The following SLC6A11 variants were observed in gnomAD, a reference collection of about 807,000 sequenced individuals.
SLC6A11 encodes solute carrier family 6 member 11.
SLC6A11 carries 25 observed loss-of-function variants against 74.8 expected under a neutral mutation model. That is an observed-to-expected ratio of 0.33 (90% confidence interval 0.24 to 0.47). The LOEUF (loss-of-function observed/expected upper bound fraction) is 0.47. Among genes scored for constraint, SLC6A11 ranks in the 20% least tolerant of loss-of-function variants. The pLI is 1.00. For missense variants in SLC6A11, 574 were observed against 837.0 expected (o/e 0.69, Z 3.88); for synonymous variants, 330 against 330.2 (o/e 1.00, Z 0.01).
intron 13 of SLC6A11, among the ~76,000 whole-genome samples, chr3:10,936,195 G>A (rs1231186316): frequency 2.6e-5 from 4 of 152,210 alleles, no homozygotes; most frequent in Non-Finnish European, 5.9e-5. Flanking sequence ...CATTTAATCC[G>A]CATAGCAATC....
Position 10,916,117 on chromosome 3 carries a change from A to C in SLC6A11, c.996-2212A>C, listed in dbSNP as rs141081985. 2.4e-3 allele frequency among the ~76,000 whole-genome samples: 368 copies of C among 152,344 alleles called. 3 individuals are homozygous for C. The highest frequency in any genetic ancestry group is 3.3e-3 in the Non-Finnish European group (223 of 68,026). On this transcript the variant is annotated intron_variant, in intron 7 of 13. Coordinates refer to ENST00000254488, the MANE Select transcript of SLC6A11 (RefSeq NM_014229.3). ...ATCATCCAATGTCCACTATTTGATA[A>C]GTCAGGGCCATTTTGCCTCAGACTT... is the stretch of plus-strand genomic sequence containing the variant.
intron 6 of SLC6A11, among the ~76,000 whole-genome samples, chr3:10,896,536 G>T (rs1440795067): frequency 6.6e-6 from 1 of 152,232 alleles, no homozygotes; most frequent in Non-Finnish European, 1.5e-5. Flanking sequence ...GTCTGATTTT[G>T]TGAGATTTTA....
At chr3:10,835,374 A>G (rs1694353328) in intron 4 of SLC6A11, among the ~76,000 whole-genome samples, 1 of 152,176 alleles carries the variant, frequency 6.6e-6, no homozygotes, top group Non-Finnish European at 1.5e-5. Flanking sequence ...GCGAGAGAGA[A>G]TGGCTGCGTT....
chr3:10,917,438 C>T (rs1695472647), intron 7 of SLC6A11, among the ~76,000 whole-genome samples: 1 of 152,274 alleles, frequency 6.6e-6, no homozygotes, highest in South Asian at 2.1e-4. Context: ...AACAAGGTCA[C>T]CTGGCAGCTC....
chr3:10,840,156 TCACA>T (rs1694419378), intron 4 of SLC6A11, among the ~76,000 whole-genome samples: 2 of 152,146 alleles, frequency 1.3e-5, no homozygotes, highest in Non-Finnish European at 2.9e-5. Context: ...TCAGCAAGGC[TCACA>T]GTCTAGCCCC....
At chr3:10,825,599 CTTATT>C (rs1694198452) in intron 4 of SLC6A11, 1 of 151,970 alleles carries the variant, frequency 6.6e-6, no homozygotes, top group African/African-American at 2.4e-5. Flanking sequence ...CAGTTGGTGT[CTTATT>C]TAAGATATAT....
chr3:10,892,156 G>T (rs1051107416), intron 6 of SLC6A11, among the ~76,000 whole-genome samples: 1 of 152,246 alleles, frequency 6.6e-6, no homozygotes, highest in South Asian at 2.1e-4. Flanking sequence ...AGTTGGCTGG[G>T]ATTGTGACAC....
rs76110818 is a variant in SLC6A11, at chr3:10,908,804, T to G, written c.892-3286T>G. ...ATGCTGGTCCATCAGTAATTTGGGATTGATTAAAGGATTTGGGCTCATACC... is the reference window on the plus strand; with the variant it reads ...ATGCTGGTCCATCAGTAATTTGGGAGTGATTAAAGGATTTGGGCTCATACC... On this transcript the variant is annotated intron_variant, in intron 6 of 13. Coordinates refer to ENST00000254488, the MANE Select transcript of SLC6A11 (RefSeq NM_014229.3). 6.8e-3 allele frequency among the ~76,000 whole-genome samples: 1,028 copies of G among 151,978 alleles called. 10 individuals are homozygous for G. The highest frequency in any genetic ancestry group is 0.023 in the African/African-American group (948 of 41,384).
chr3:10,849,630 C>T (rs1694547060), intron 5 of SLC6A11, among the ~76,000 whole-genome samples: 1 of 152,168 alleles, frequency 6.6e-6, no homozygotes, highest in Non-Finnish European at 1.5e-5. Flanking sequence ...TTTGTACAAA[C>T]ATTGCAGACA....
intron 5 of SLC6A11, among the ~76,000 whole-genome samples, chr3:10,854,543 G>A (rs954313114): frequency 2.4e-4 from 37 of 152,226 alleles, no homozygotes; most frequent in African/African-American, 7.7e-4. Flanking sequence ...CAGGCGTTGT[G>A]CTAAGCACCA....
chr3:10,929,570 G>C (rs1453687384), intron 10 of SLC6A11, among the ~76,000 whole-genome samples: 2 of 152,200 alleles, frequency 1.3e-5, no homozygotes, highest in East Asian at 3.8e-4. Flanking sequence ...GTTATTCACA[G>C]AGGGGAGTCA....
Position 10,823,333 on chromosome 3 carries a change from G to C in SLC6A11, c.564G>C (p.Val188=), listed in dbSNP as rs772641402. The C allele has an allele frequency of 3.3e-5, 54 of 1,613,618 alleles. No homozygotes were observed. In the South Asian group the frequency reaches 5.8e-4, roughly 17 times the overall value. Residue 188 remains valine, a synonymous_variant, in exon 4 of 14, where the codon GTG becomes GTC. Coordinates refer to ENST00000254488, the MANE Select transcript of SLC6A11 (RefSeq NM_014229.3). ...ENCVEFQKLN[V]SNYSHVSLQN... ...GTGTGGAGTTCCAGAAACTGAATGT[G>C]AGCAACTACAGCCATGTGTCTCTGC... is the stretch of plus-strand genomic sequence containing the variant.
At chr3:10,873,691 T>A (rs1278379688) in intron 5 of SLC6A11, among the ~76,000 whole-genome samples, 2 of 100,020 alleles carry the variant, frequency 2.0e-5, no homozygotes, top group African/African-American at 1.1e-4. Context: ...TCCCGTCCCA[T>A]CCTATCCTAT....
intron 9 of SLC6A11, among the ~76,000 whole-genome samples, chr3:10,927,394 A>G (rs191343020): frequency 1.0e-3 from 153 of 152,208 alleles, no homozygotes; most frequent in African/African-American, 3.5e-3. Context: ...GCCTATCCCC[A>G]TGCGTGCTGC....
chr3:10,837,045 G>A (rs558598524), intron 4 of SLC6A11, among the ~76,000 whole-genome samples: 1 of 152,346 alleles, frequency 6.6e-6, no homozygotes, highest in South Asian at 2.1e-4. Flanking sequence ...CTGGTACACA[G>A]TGAGGTGCTC....
At chr3:10,887,098 T>C (rs773712730) in intron 6 of SLC6A11, among the ~76,000 whole-genome samples, 3 of 111,984 alleles carry the variant, frequency 2.7e-5, no homozygotes, top group Non-Finnish European at 5.3e-5. Flanking sequence ...GACAGACGGA[T>C]GGATGGATGG....
intron 5 of SLC6A11, among the ~76,000 whole-genome samples, chr3:10,871,242 A>G (rs901746289): frequency 6.6e-6 from 1 of 152,248 alleles, no homozygotes; most frequent in Non-Finnish European, 1.5e-5. Flanking sequence ...TGGACATAGC[A>G]TAACCAGCAA....
intron 5 of SLC6A11, among the ~76,000 whole-genome samples, chr3:10,857,995 A>G (rs554976261): frequency 6.6e-6 from 1 of 152,354 alleles, no homozygotes; most frequent in African/African-American, 2.4e-5. Flanking sequence ...GAGACAGGAG[A>G]GCCGATGCAC....
At chr3:10,826,977 ATC>A (rs1694218380) in intron 4 of SLC6A11, among the ~76,000 whole-genome samples, 1 of 152,254 alleles carries the variant, frequency 6.6e-6, no homozygotes, top group African/African-American at 2.4e-5. Flanking sequence ...TTCAGATTGC[ATC>A]TCTGTCTGTA....
Sources: gnomAD v4.1 joint callset for allele counts (sites outside exome capture counted in the v4.1 genomes callset) on GRCh38, gnomAD v4.1.1 for gene constraint, MANE v1.5 for transcripts, NCBI Gene and HGNC (gene_info 2026-07-23, HGNC 2026-07-21) for gene names.